NCAM2: variants seen among roughly 807,000 people sequenced by gnomAD.
The protein encoded by NCAM2 is neural cell adhesion molecule 2.
Under a neutral mutation model 98.1 loss-of-function variants are expected in NCAM2, and 30 were observed. The ratio of observed to expected loss-of-function variants is 0.31; its 90% confidence interval spans 0.23 to 0.41. The LOEUF (loss-of-function observed/expected upper bound fraction) is 0.41. Among genes scored for constraint, NCAM2 ranks in the 10% least tolerant of loss-of-function variants. The probability of loss-of-function intolerance (pLI) is 1.00; values close to 1 mark genes in which losing one functional copy is unlikely to be tolerated. For synonymous variants in NCAM2, 368 were observed against 342.4 expected (o/e 1.07, Z -0.83); for missense variants, 867 against 1,005.8 (o/e 0.86, Z 1.87).
chr21:21,487,906 T>C (rs978504794), intron 15 of NCAM2, among the ~76,000 whole-genome samples: 1 of 152,170 alleles, frequency 6.6e-6, no homozygotes, highest in African/African-American at 2.4e-5. Context: ...TTTGTTCATT[T>C]CTTTCCTAAT....
chr21:21,000,367 G>A (rs1033342592), intron 1 of NCAM2, among the ~76,000 whole-genome samples: 8 of 152,190 alleles, frequency 5.3e-5, no homozygotes, highest in Non-Finnish European at 4.4e-5. Flanking sequence ...GTTTGGAGAA[G>A]AAAAATGTCT....
At chr21:21,408,272 G>C (rs2076783589) in intron 9 of NCAM2, among the ~76,000 whole-genome samples, 1 of 152,110 alleles carries the variant, frequency 6.6e-6, no homozygotes, top group African/African-American at 2.4e-5. Context: ...TTGAAGGGAA[G>C]GGCAGGTATA....
chr21:21,085,796 T>G (rs2065894996), intron 1 of NCAM2, among the ~76,000 whole-genome samples: 1 of 152,206 alleles, frequency 6.6e-6, no homozygotes, highest in African/African-American at 2.4e-5. Flanking sequence ...GCAAATATTA[T>G]TCAGCATATT....
chr21:21,510,551 T>C (rs1026360876), intron 16 of NCAM2, among the ~76,000 whole-genome samples: 1 of 152,124 alleles, frequency 6.6e-6, no homozygotes, highest in Non-Finnish European at 1.5e-5. Flanking sequence ...ATATTCTTTT[T>C]CTATGCATCT....
intron 1 of NCAM2, among the ~76,000 whole-genome samples, chr21:21,199,077 AT>A (rs1297475124): frequency 6.6e-6 from 1 of 152,172 alleles, no homozygotes; most frequent in Admixed American, 6.5e-5. Flanking sequence ...CCCAGTTTGT[AT>A]GCATTGTGTG....
chr21:21,393,843 A>G (rs1395692504), intron 9 of NCAM2, among the ~76,000 whole-genome samples: 1 of 152,218 alleles, frequency 6.6e-6, no homozygotes, highest in Non-Finnish European at 1.5e-5. Flanking sequence ...AGCCATTGGA[A>G]GTACAGCTAC....
intron 5 of NCAM2, among the ~76,000 whole-genome samples, chr21:21,319,331 A>G (rs1454235229): frequency 6.6e-6 from 1 of 152,210 alleles, no homozygotes; most frequent in East Asian, 1.9e-4. Context: ...ATACGAGTTA[A>G]CAACTGTAAT....
chr21:21,393,599 G>A (rs232439), intron 9 of NCAM2, among the ~76,000 whole-genome samples: 4,177 of 151,984 alleles, frequency 0.027, 194 homozygotes, highest in African/African-American at 0.096. Flanking sequence ...GATATATGCA[G>A]GTTTGTTTTG....
intron 1 of NCAM2, among the ~76,000 whole-genome samples, chr21:21,091,363 T>TA (rs1211720978): frequency 6.6e-6 from 1 of 152,162 alleles, no homozygotes; most frequent in Non-Finnish European, 1.5e-5. Flanking sequence ...TTTTCATCCC[T>TA]ATTGCTCACG....
intron 11 of NCAM2, among the ~76,000 whole-genome samples, chr21:21,431,625 G>A (rs1471234759): frequency 6.6e-6 from 1 of 151,874 alleles, no homozygotes; most frequent in East Asian, 1.9e-4. Flanking sequence ...TCAAAACTTA[G>A]CACTTACCTA....
intron 1 of NCAM2, among the ~76,000 whole-genome samples, chr21:21,145,667 A>G (rs2067256985): frequency 6.6e-6 from 1 of 152,218 alleles, no homozygotes; most frequent in Admixed American, 6.5e-5. Flanking sequence ...AAAGGAAGCT[A>G]TGGATAGTAT....
intron 16 of NCAM2, among the ~76,000 whole-genome samples, chr21:21,530,124 T>A (rs1989552897): frequency 6.9e-6 from 1 of 144,564 alleles, no homozygotes; most frequent in Non-Finnish European, 1.5e-5. Flanking sequence ...TTTAATTTAA[T>A]TATATATGAT....
intron 1 of NCAM2, among the ~76,000 whole-genome samples, chr21:21,249,911 T>C (rs567118428): frequency 2.0e-4 from 31 of 152,284 alleles, no homozygotes; most frequent in African/African-American, 7.0e-4. Flanking sequence ...ATGTATTTAA[T>C]TGTTGTAAGA....
chr21:21,413,407 A>G (rs1468978815), intron 10 of NCAM2, among the ~76,000 whole-genome samples: 1 of 152,214 alleles, frequency 6.6e-6, no homozygotes, highest in Non-Finnish European at 1.5e-5. Context: ...CACTTAGCTT[A>G]TATTTAGATA....
intron 1 of NCAM2, among the ~76,000 whole-genome samples, chr21:21,234,196 C>G (rs1253584694): frequency 6.6e-6 from 1 of 151,730 alleles, no homozygotes; most frequent in Non-Finnish European, 1.5e-5. Context: ...CATTAACAAT[C>G]TACAATGCAC....
At chr21:21,268,259 A>G (rs1444736561) in intron 1 of NCAM2, among the ~76,000 whole-genome samples, 2 of 152,100 alleles carry the variant, frequency 1.3e-5, no homozygotes, top group African/African-American at 4.8e-5. Flanking sequence ...TCAGTCACTT[A>G]TCTCTCACGG....
At chr21:21,361,189 A>G (rs1040857507) in intron 8 of NCAM2, among the ~76,000 whole-genome samples, 10 of 152,012 alleles carry the variant, frequency 6.6e-5, no homozygotes, top group African/African-American at 2.4e-4. Context: ...CTCATTGATC[A>G]TTACCATAAC....
intron 12 of NCAM2, among the ~76,000 whole-genome samples, chr21:21,464,477 G>A (rs192410884): frequency 2.0e-5 from 3 of 152,110 alleles, no homozygotes; most frequent in Non-Finnish European, 2.9e-5. Context: ...TTAAACTCTT[G>A]TTAAAGGAGT....
chr21:21,471,922 A>T (rs763971577), intron 14 of NCAM2, among the ~76,000 whole-genome samples: 2 of 152,052 alleles, frequency 1.3e-5, no homozygotes, highest in Admixed American at 6.6e-5. Context: ...TGGACTCTTC[A>T]TGAAAATTAA....
Sources: allele counts gnomAD v4.1 joint callset (sites outside exome capture counted in the v4.1 genomes callset), GRCh38; gene constraint gnomAD v4.1.1; transcripts MANE v1.5; gene names NCBI Gene and HGNC (gene_info 2026-07-23, HGNC 2026-07-21).